CCDC141: variants seen among roughly 807,000 people sequenced by gnomAD.
CCDC141 encodes the protein coiled-coil domain-containing protein 141.
Under a neutral mutation model 181.0 loss-of-function variants are expected in CCDC141, and 168 were observed. The ratio of observed to expected loss-of-function variants is 0.93; its 90% CI spans 0.82 to 1.05. The LOEUF (loss-of-function observed/expected upper bound fraction) is 1.05, where lower values mean the gene tolerates loss of function less well. Ranked by LOEUF, CCDC141 falls within the 50% of genes least tolerant of loss-of-function variation. The probability of loss-of-function intolerance (pLI) is 0.00; values close to 1 mark genes in which losing one functional copy is unlikely to be tolerated. For missense variants in CCDC141, 1,902 were observed against 1,788.5 expected, an observed-to-expected ratio of 1.06 and a Z score of -1.14; for synonymous variants, 666 against 642.3, an observed-to-expected ratio of 1.04 and a Z score of -0.56.
At chr2:178,867,179 T>C (rs1685891834) in intron 16 of CCDC141, among the ~76,000 whole-genome samples, 1 of 152,202 alleles carries the variant, frequency 6.6e-6, no homozygotes, top group Non-Finnish European at 1.5e-5. Context: ...TGGGCTTTTA[T>C]GGGTAAGGTG....
intron 5 of CCDC141, among the ~76,000 whole-genome samples, chr2:178,955,564 AT>A (rs1401835947): frequency 6.6e-6 from 1 of 152,096 alleles, no homozygotes; most frequent in East Asian, 1.9e-4. Context: ...TATGTTTATG[AT>A]TTTTTTCAAT....
intron 8 of CCDC141, among the ~76,000 whole-genome samples, chr2:178,893,980 C>A (rs73973185): frequency 6.6e-6 from 1 of 152,090 alleles, no homozygotes; most frequent in Non-Finnish European, 1.5e-5. Flanking sequence ...GCCATAGAGA[C>A]CAACATATAT....
Position 178,865,750 on chromosome 2 carries a change from A to C in CCDC141, c.2724+17T>G, listed in dbSNP as rs1685818522. On this transcript the variant is annotated intron_variant, in intron 17 of 23. Transcript: ENST00000443758. ...GCTTTTTGGCAATGTGCCAGTTCTC[A>C]CCCCTCCCACACCCACCTCATTTAT... 6.8e-7 allele frequency: 1 copy of C among 1,463,494 alleles called. No homozygotes were observed. Among genetic ancestry groups the C allele is most frequent in the Non-Finnish European group, 9.1e-7 (1 of 1,101,144 alleles). The allele number at this position is 1,463,494 out of a possible 1,614,324, so 90.7% of individuals were successfully genotyped here.
the CCDC141 span, among the ~76,000 whole-genome samples, chr2:178,822,109 G>A: frequency 2.0e-5 from 3 of 152,000 alleles, no homozygotes; most frequent in Admixed American, 2.0e-4. Flanking sequence ...CCTTTGTAGG[G>A]ACATGGATGA....
intron 2 of CCDC141, among the ~76,000 whole-genome samples, chr2:178,997,793 G>A (rs1692354805): frequency 6.6e-6 from 1 of 152,080 alleles, no homozygotes. Context: ...AATTCTTTTA[G>A]CAATTTCATA....
At chr2:178,904,358 C>T (rs1373550246) in intron 8 of CCDC141, among the ~76,000 whole-genome samples, 2 of 152,168 alleles carry the variant, frequency 1.3e-5, no homozygotes, top group Non-Finnish European at 2.9e-5. Context: ...TTAAATACCC[C>T]TGTCCAGATT....
chr2:179,048,281 G>T (rs569659368), intron 1 of CCDC141, among the ~76,000 whole-genome samples: 3 of 152,252 alleles, frequency 2.0e-5, no homozygotes, highest in Non-Finnish European at 2.9e-5. Flanking sequence ...TCACACACAG[G>T]CACTTCCATT....
chr2:178,827,015 C>T (rs747006724), downstream of CCDC141, among the ~76,000 whole-genome samples: 1 of 152,094 alleles, frequency 6.6e-6, no homozygotes, highest in Non-Finnish European at 1.5e-5. Context: ...TTCCTCTACA[C>T]ACTATTTTTC....
intron 11 of CCDC141, among the ~76,000 whole-genome samples, chr2:178,879,271 T>C (rs1686487111): frequency 6.6e-6 from 1 of 152,244 alleles, no homozygotes; most frequent in African/African-American, 2.4e-5. Context: ...AGGACCAGAC[T>C]TAAATAGCTT....
chr2:178,885,076 A>G lies in CCDC141; in HGVS notation c.1544T>C (p.Leu515Ser), dbSNP rs1686815738. 6.5e-7 allele frequency: 1 copy of G among 1,549,486 alleles called. No individual in the cohort carries two copies. Among genetic ancestry groups the G allele is most frequent in the African/African-American group, 1.4e-5 (1 of 73,030 alleles). ...CATCATGGTTTTTGCAGCTGCTTCT[A>G]ATTCATGTGATGTCTCCTGTAAAAG... The part of the protein sequence containing the change: ...DIQAKETSHE[L>S]EAAAKTMMEK... Residue 515 changes from leucine to serine, a missense_variant, in exon 11 of 24, where the codon TTA becomes TCA. Coordinates refer to ENST00000443758, the MANE Select transcript of CCDC141 (RefSeq NM_173648.4).
chr2:179,045,449 T>C (rs1051661723), intron 2 of CCDC141, among the ~76,000 whole-genome samples: 4 of 152,040 alleles, frequency 2.6e-5, no homozygotes, highest in African/African-American at 9.7e-5. Context: ...TCTTTGCTAT[T>C]GTGAATAGAG....
At chr2:178,953,766 C>T (rs1440234944) in intron 5 of CCDC141, among the ~76,000 whole-genome samples, 5 of 152,124 alleles carry the variant, frequency 3.3e-5, no homozygotes, top group Non-Finnish European at 7.3e-5. Context: ...TAAAATTATG[C>T]ATTTAAGCTG....
intron 14 of CCDC141, among the ~76,000 whole-genome samples, chr2:178,869,506 C>T (rs1035881859): frequency 1.3e-5 from 2 of 149,308 alleles, no homozygotes; most frequent in African/African-American, 4.9e-5. Flanking sequence ...GAGAAATTTA[C>T]AAAAAAAAAT....
chr2:179,049,892 C>CAG lies in CCDC141; in HGVS notation c.49_50insCT (p.Ser17ThrfsTer15). 6.4e-7 allele frequency: 1 copy of CAG among 1,550,814 alleles called. No homozygotes were observed. On this transcript the variant is annotated frameshift_variant, in exon 1 of 24. Coordinates refer to ENST00000443758, the MANE Select transcript of CCDC141 (RefSeq NM_173648.4). LOFTEE classifies it high-confidence loss of function. Reference sequence around the variant, plus strand: ...GTCCCCAGCCTGCACAGCAACTGAACTGACTGTCGTCGTAGAAAGCGCAAC... The same window carrying CAG: ...GTCCCCAGCCTGCACAGCAACTGAACAGTGACTGTCGTCGTAGAAAGCGCAAC...
intron 8 of CCDC141, among the ~76,000 whole-genome samples, chr2:178,904,449 A>G (rs1050205802): frequency 6.6e-6 from 1 of 152,236 alleles, no homozygotes; most frequent in Non-Finnish European, 1.5e-5. Flanking sequence ...AATAGAACAG[A>G]ACAAGGGTTT....
At chr2:178,938,507 G>A (rs1334389547) in intron 6 of CCDC141, among the ~76,000 whole-genome samples, 1 of 152,072 alleles carries the variant, frequency 6.6e-6, no homozygotes, top group South Asian at 2.1e-4. Context: ...ATTGTTTTAT[G>A]TCCAATTATG....
intron 2 of CCDC141, among the ~76,000 whole-genome samples, chr2:179,042,859 C>G (rs1460335830): frequency 6.6e-6 from 1 of 151,908 alleles, no homozygotes; most frequent in South Asian, 2.1e-4. Context: ...AAGAAATAAC[C>G]AAGATCAGAG....
the CCDC141 span, among the ~76,000 whole-genome samples, chr2:178,821,024 G>C: frequency 5.3e-5 from 8 of 152,014 alleles, no homozygotes; most frequent in Non-Finnish European, 1.2e-4. Context: ...GTTAAACTAG[G>C]TTTGCATTTG....
At chr2:178,989,829 TAA>T (rs71023463) in intron 2 of CCDC141, among the ~76,000 whole-genome samples, 3,765 of 81,172 alleles carry the variant, frequency 0.046, 69 homozygotes, top group Non-Finnish European at 0.064. Context: ...GCTATAATCT[TAA>T]AAAAAAAAAA....
Sources: gnomAD v4.1 joint callset for allele counts (sites outside exome capture counted in the v4.1 genomes callset) on GRCh38, gnomAD v4.1.1 for gene constraint, MANE v1.5 for transcripts, NCBI Gene and HGNC (gene_info 2026-07-23, HGNC 2026-07-21) for gene names.